The following TMEM132D variants were observed in gnomAD, a reference collection of about 807,000 sequenced individuals.
TMEM132D encodes the protein mature OL transmembrane protein.
A neutral mutation model predicts 62.3 loss-of-function variants in TMEM132D; 21 were observed. That is an observed-to-expected ratio of 0.34 (90% CI 0.24 to 0.49). The LOEUF (loss-of-function observed/expected upper bound fraction) is 0.49. Among genes scored for constraint, TMEM132D ranks in the 20% least tolerant of loss-of-function variants. The pLI is 0.99. For missense variants in TMEM132D, 1,346 were observed against 1,402.8 expected, an observed-to-expected ratio of 0.96 and a Z score of 0.65; for synonymous variants, 621 against 575.6, an observed-to-expected ratio of 1.08 and a Z score of -1.13.
intron 2 of TMEM132D, among the ~76,000 whole-genome samples, chr12:129,662,457 T>A (rs898366878): frequency 2.6e-5 from 4 of 152,178 alleles, no homozygotes; most frequent in Admixed American, 6.5e-5. Flanking sequence ...CCTGGCTTTT[T>A]TTGGCCAAGA....
intron 4 of TMEM132D, among the ~76,000 whole-genome samples, chr12:129,327,047 C>T (rs944314644): frequency 5.9e-5 from 9 of 152,108 alleles, no homozygotes; most frequent in Admixed American, 3.3e-4. Flanking sequence ...ACATCATAAC[C>T]GGCAGTGCTG....
chr12:129,220,459 T>G (rs1879318231), intron 4 of TMEM132D, among the ~76,000 whole-genome samples: 1 of 152,152 alleles, frequency 6.6e-6, no homozygotes, highest in Admixed American at 6.5e-5. Context: ...GCCAAGTAGA[T>G]TTTTGGAAAG....
chr12:129,319,096 C>T (rs1868589164), intron 4 of TMEM132D, among the ~76,000 whole-genome samples: 1 of 152,200 alleles, frequency 6.6e-6, no homozygotes, highest in Non-Finnish European at 1.5e-5. Context: ...AGTCTGCAAG[C>T]CCTCTCCCGA....
chr12:129,167,158 TAAAAAA>T (rs758480068), intron 5 of TMEM132D, among the ~76,000 whole-genome samples: 1 of 97,760 alleles, frequency 1.0e-5, no homozygotes, highest in African/African-American at 5.9e-5. Flanking sequence ...AGACTCTGTT[TAAAAAA>T]AAAAAACAAA....
chr12:129,782,961 A>C lies in TMEM132D; in HGVS notation c.80-82263T>G, dbSNP rs576206095. 2.0e-5 allele frequency among the ~76,000 whole-genome samples: 3 copies of C among 152,324 alleles called. No homozygotes were observed. The East Asian group carries it at 5.8e-4, about 29-fold the overall frequency. ...CAATTCATGTTCATGATAAACCCCT[A>C]ATCATATTTTCAGAGCTGGATTCTT... On this transcript the variant is annotated intron_variant, in intron 1 of 8. Transcript: ENST00000422113.
At chr12:129,859,670 A>G (rs562685201) in intron 1 of TMEM132D, among the ~76,000 whole-genome samples, 75 of 152,304 alleles carry the variant, frequency 4.9e-4, no homozygotes, top group African/African-American at 1.4e-3. Flanking sequence ...GGGTGGGATA[A>G]GCTGGGTTCC....
chr12:129,585,996 A>G (rs1456328393), intron 2 of TMEM132D, among the ~76,000 whole-genome samples: 2 of 152,200 alleles, frequency 1.3e-5, no homozygotes, highest in African/African-American at 4.8e-5. Flanking sequence ...AATAATAATA[A>G]TTAAAGGAGA....
At chr12:129,300,298 G>A (rs1327497678) in intron 4 of TMEM132D, among the ~76,000 whole-genome samples, 1 of 152,204 alleles carries the variant, frequency 6.6e-6, no homozygotes, top group Non-Finnish European at 1.5e-5. Flanking sequence ...CCTATAAGAG[G>A]AGAGGGTTCT....
rs370542937 is a variant in TMEM132D, at chr12:129,365,695, C to T, written c.1116-27878G>A. Among the ~76,000 whole-genome samples the T allele has an allele frequency of 8.5e-4, 130 of 152,214 alleles. 2 individuals carry two copies. Among genetic ancestry groups the T allele is most frequent in the African/African-American group, 2.9e-3 (121 of 41,532 alleles). On this transcript the variant is annotated intron_variant, in intron 3 of 8. Transcript: ENST00000422113. ...CTGCGTGTAAGAGGATCCCAGAGGG[C>T]GAGGAGGCAGGCAGGTCTTTCTACC...
chr12:129,446,272 G>T (rs1481073680), intron 3 of TMEM132D, among the ~76,000 whole-genome samples: 1 of 152,188 alleles, frequency 6.6e-6, no homozygotes, highest in African/African-American at 2.4e-5. Flanking sequence ...AGGATGTGGT[G>T]TGACTTGGTT....
At chr12:129,479,068 G>A (rs1874354774) in intron 3 of TMEM132D, among the ~76,000 whole-genome samples, 1 of 152,176 alleles carries the variant, frequency 6.6e-6, no homozygotes, top group African/African-American at 2.4e-5. Context: ...ACTATAGTTA[G>A]TTGAGACCAT....
At chr12:129,893,661 A>G (rs1441030135) in intron 1 of TMEM132D, among the ~76,000 whole-genome samples, 1 of 152,244 alleles carries the variant, frequency 6.6e-6, no homozygotes, top group Non-Finnish European at 1.5e-5. Flanking sequence ...CCTTCAGCAG[A>G]AGGAGACCAA....
chr12:129,300,577 A>T (rs1186417305), intron 4 of TMEM132D, among the ~76,000 whole-genome samples: 1 of 152,158 alleles, frequency 6.6e-6, no homozygotes, highest in Non-Finnish European at 1.5e-5. Flanking sequence ...TGTTGGAAAG[A>T]CTGTGTTCCT....
At chr12:129,434,185 C>T (rs1028726576) in intron 3 of TMEM132D, among the ~76,000 whole-genome samples, 1 of 152,148 alleles carries the variant, frequency 6.6e-6, no homozygotes, top group East Asian at 1.9e-4. Context: ...GGTCCAGTGA[C>T]AGAAGAAGAT....
intron 3 of TMEM132D, among the ~76,000 whole-genome samples, chr12:129,455,238 G>A (rs1873429529): frequency 6.6e-6 from 1 of 152,212 alleles, no homozygotes; most frequent in African/African-American, 2.4e-5. Context: ...CCTTAAAGTA[G>A]TAGGAATGAG....
intron 4 of TMEM132D, among the ~76,000 whole-genome samples, chr12:129,246,452 C>T (rs1387950835): frequency 4.6e-5 from 7 of 152,108 alleles, no homozygotes; most frequent in African/African-American, 1.7e-4. Context: ...CAACAGGTCA[C>T]AGATGAAAGT....
intron 4 of TMEM132D, among the ~76,000 whole-genome samples, chr12:129,217,233 G>A (rs779451336): frequency 2.8e-4 from 43 of 152,282 alleles, no homozygotes; most frequent in Non-Finnish European, 5.9e-4. Context: ...AAAAAAGAAC[G>A]AGGTCATGTC....
chr12:129,087,808 C>G (rs555518680), intron 5 of TMEM132D, among the ~76,000 whole-genome samples: 2 of 152,304 alleles, frequency 1.3e-5, no homozygotes, highest in South Asian at 4.1e-4. Flanking sequence ...ATTGCAGCTG[C>G]AGAAAACAAA....
chr12:129,171,116 TAATG>T (rs1189289745), intron 5 of TMEM132D, among the ~76,000 whole-genome samples: 5 of 152,258 alleles, frequency 3.3e-5, no homozygotes, highest in Non-Finnish European at 5.9e-5. Flanking sequence ...TGCTGCTACT[TAATG>T]AACTAAACTT....
Sources: allele counts gnomAD v4.1 joint callset (sites outside exome capture counted in the v4.1 genomes callset), GRCh38; gene constraint gnomAD v4.1.1; transcripts MANE v1.5; gene names NCBI Gene and HGNC (gene_info 2026-07-23, HGNC 2026-07-21).